Variants in C1GALT1 observed in about 807,000 individuals in gnomAD.
C1GALT1 encodes the protein core 1 synthase, glycoprotein-N-acetylgalactosamine 3-beta-galactosyltransferase 1, also known as glycoprotein-N-acetylgalactosamine 3-beta-galactosyltransferase 1.
Under a neutral mutation model 31.0 loss-of-function variants are expected in C1GALT1, and 11 were observed. That is an observed-to-expected ratio of 0.36 (90% CI 0.22 to 0.59). The LOEUF (loss-of-function observed/expected upper bound fraction) is 0.59. C1GALT1 is among the 20% of genes least tolerant of loss of function. The pLI, the probability that C1GALT1 is intolerant of heterozygous loss-of-function variation, is 0.79. For missense variants in C1GALT1, 424 were observed against 425.2 expected (o/e 1.00, Z 0.03); for synonymous variants, 175 against 143.6 (o/e 1.22, Z -1.56).
rs1195145601 is a variant in C1GALT1, at chr7:7,243,602, G to A, written c.967G>A (p.Val323Ile). The part of the protein sequence containing the change: ...STTMYELEYL[V>I]YHLRPYGYLY... The stretch of plus-strand genomic sequence containing the variant: ...AACCATGTATGAGTTAGAATACCTC[G>A]TTTATCATCTTCGTCCATATGGTTA... Residue 323 changes from valine to isoleucine, a missense_variant, in exon 4 of 4, where the codon GTT (valine) becomes ATT (isoleucine). This residue lies in a region of C1GALT1 where 191 missense variants were observed against 188.8 expected (regional missense o/e 1.01). Transcript: ENST00000436587. The A allele has an allele frequency of 6.2e-6, 10 of 1,612,356 alleles. No individual in the cohort carries two copies. The highest frequency in any genetic ancestry group is 1.7e-5 in the Admixed American group (1 of 59,788).
intron 3 of C1GALT1, among the ~76,000 whole-genome samples, chr7:7,242,545 A>G (rs756196360): frequency 1.1e-4 from 17 of 152,118 alleles, no homozygotes; most frequent in Middle Eastern, 3.4e-3. Flanking sequence ...TTGCCAGACT[A>G]TCTCCCTCAT....
intron 1 of C1GALT1, among the ~76,000 whole-genome samples, chr7:7,211,146 T>C (rs973415863): frequency 3.9e-5 from 6 of 152,044 alleles, no homozygotes; most frequent in African/African-American, 1.4e-4. Context: ...TGCAGCACCA[T>C]TTGGAGATTG....
chr7:7,174,598 A>G (rs993185508), intron 2 of C1GALT1, among the ~76,000 whole-genome samples: 28 of 149,550 alleles, frequency 1.9e-4, no homozygotes, highest in African/African-American at 6.2e-4. Flanking sequence ...AAAAAAAAAA[A>G]GTAGCTATAC....
chr7:7,185,751 C>T (rs561498106), intron 1 of C1GALT1, among the ~76,000 whole-genome samples: 51 of 152,288 alleles, frequency 3.3e-4, no homozygotes, highest in Middle Eastern at 3.4e-3. Flanking sequence ...AATAAGGTCA[C>T]GTGCAGAGGT....
chr7:7,232,769 C>G (rs1193368113), intron 1 of C1GALT1, among the ~76,000 whole-genome samples: 1 of 152,182 alleles, frequency 6.6e-6, no homozygotes, highest in Non-Finnish European at 1.5e-5. Context: ...GGATTACAGG[C>G]GTGAGCCACC....
upstream of C1GALT1, among the ~76,000 whole-genome samples, chr7:7,180,433 A>G (rs968383539): frequency 6.6e-5 from 10 of 152,250 alleles, no homozygotes; most frequent in South Asian, 1.2e-3. Context: ...ATGTCAATCA[A>G]TAGAATACTG....
At chr7:7,227,581 G>A (rs1340583708) in intron 1 of C1GALT1, among the ~76,000 whole-genome samples, 2 of 151,578 alleles carry the variant, frequency 1.3e-5, no homozygotes. Flanking sequence ...TTAGCCGGGC[G>A]TAGTGGCGGG....
rs1008167112 is a variant in C1GALT1 at position 7,234,248 on chromosome 7, C to A, written c.-17-55C>A. ...CTAAATGTTACCAGAATTTTTACTC[C>A]GGTTATGTATACAGCTTTGATTTTA... On this transcript the variant is annotated intron_variant, in intron 1 of 3. Coordinates refer to ENST00000436587, the MANE Select transcript of C1GALT1 (RefSeq NM_020156.5). The A allele has an allele frequency of 8.5e-6, 11 of 1,298,974 alleles. No individual in the cohort carries two copies. In the Admixed American group the frequency reaches 2.0e-4, roughly 24 times the overall value. The allele number at this position is 1,298,974 out of a possible 1,614,324, so 80.5% of individuals were successfully genotyped here.
chr7:7,207,093 G>A (rs769409255), intron 1 of C1GALT1, among the ~76,000 whole-genome samples: 6 of 151,968 alleles, frequency 3.9e-5, no homozygotes, highest in Non-Finnish European at 7.4e-5. Flanking sequence ...AGGCCTACTT[G>A]ATGGTGTCAC....
chr7:7,218,209 A>G (rs1782339323), intron 1 of C1GALT1, among the ~76,000 whole-genome samples: 1 of 152,180 alleles, frequency 6.6e-6, no homozygotes, highest in Non-Finnish European at 1.5e-5. Flanking sequence ...AAAGATTAAA[A>G]TGGTCAGTCA....
At chr7:7,194,345 C>G (rs1254487101) in intron 1 of C1GALT1, among the ~76,000 whole-genome samples, 1 of 152,024 alleles carries the variant, frequency 6.6e-6, no homozygotes, top group African/African-American at 2.4e-5. Context: ...TAAGGCATCT[C>G]CTTTCTATGC....
At chr7:7,211,964 G>T (rs1047551952) in intron 1 of C1GALT1, among the ~76,000 whole-genome samples, 8 of 152,192 alleles carry the variant, frequency 5.3e-5, no homozygotes, top group African/African-American at 1.7e-4. Context: ...TTTCTCTCCA[G>T]TTCTCATTTT....
chr7:7,175,263 G>C (rs778827700), intron 2 of C1GALT1, among the ~76,000 whole-genome samples: 2 of 152,198 alleles, frequency 1.3e-5, no homozygotes, highest in Non-Finnish European at 2.9e-5. Context: ...CTAGTGTTTT[G>C]GCAGATTTCC....
chr7:7,235,873 T>C (rs138800102), intron 2 of C1GALT1, among the ~76,000 whole-genome samples: 43 of 152,304 alleles, frequency 2.8e-4, no homozygotes, highest in African/African-American at 8.2e-4. Flanking sequence ...ATTCTAACAG[T>C]GCTGCTACTT....
intron 1 of C1GALT1, among the ~76,000 whole-genome samples, chr7:7,208,338 A>G (rs1781842545): frequency 6.6e-6 from 1 of 152,102 alleles, no homozygotes; most frequent in African/African-American, 2.4e-5. Flanking sequence ...CTAATTTACA[A>G]ATTAGACTTT....
chr7:7,159,437 G>A (rs1031871755), intron 2 of C1GALT1, among the ~76,000 whole-genome samples: 4 of 151,978 alleles, frequency 2.6e-5, no homozygotes, highest in Non-Finnish European at 5.9e-5. Flanking sequence ...GGAAGAGGAG[G>A]GGGAGGAGGA....
At chr7:7,160,762 A>G (rs2128226324) in intron 2 of C1GALT1, among the ~76,000 whole-genome samples, 1 of 152,236 alleles carries the variant, frequency 6.6e-6, no homozygotes, top group South Asian at 2.1e-4. Context: ...AGCTGCAGGA[A>G]TTTTATCAGA....
chr7:7,172,740 C>T (rs1246158732), intron 2 of C1GALT1, among the ~76,000 whole-genome samples: 1 of 152,164 alleles, frequency 6.6e-6, no homozygotes, highest in Non-Finnish European at 1.5e-5. Context: ...CAAATACAGC[C>T]TCCCCCACTA....
At chr7:7,226,449 G>A (rs949066913) in intron 1 of C1GALT1, among the ~76,000 whole-genome samples, 19 of 152,020 alleles carry the variant, frequency 1.2e-4, no homozygotes, top group Non-Finnish European at 1.8e-4. Context: ...GGAAGAAGAC[G>A]TGCGCTCATG....
Sources: gnomAD v4.1 joint callset for allele counts (sites outside exome capture counted in the v4.1 genomes callset) on GRCh38, gnomAD v4.1.1 for gene constraint, gnomAD v4.1.1 regional missense constraint, MANE v1.5 for transcripts, NCBI Gene and HGNC (gene_info 2026-07-23, HGNC 2026-07-21) for gene names.